KRT3: variants seen among roughly 807,000 people sequenced by gnomAD.
KRT3 encodes keratin 3.
A neutral mutation model predicts 45.8 loss-of-function variants in KRT3; 34 were observed. The observed-to-expected ratio is 0.74, with a 90% CI of 0.57 to 0.99. The LOEUF (loss-of-function observed/expected upper bound fraction) is 0.99, where lower values mean the gene tolerates loss of function less well. Ranked by LOEUF, KRT3 falls within the 50% of genes least tolerant of loss-of-function variation. The pLI is 0.00. For synonymous variants in KRT3, 367 were observed against 329.0 expected (o/e 1.12, Z -1.25); for missense variants, 828 against 820.6 (o/e 1.01, Z -0.11).
In KRT3 at chr12:52,789,931, G is replaced by A; in HGVS notation, c.*111C>T. On this transcript the variant is annotated 3_prime_UTR_variant, in exon 9 of 9. Transcript: ENST00000417996. ...AGCAAGAGGCCACAAGCCTTCCAGC[G>A]CAGAGCCGCGTTCTTGGGGAGCATG... 8.7e-7 allele frequency: 1 copy of A among 1,150,946 alleles called. No individual in the cohort carries two copies. The highest frequency in any genetic ancestry group is 1.3e-6 in the Non-Finnish European group (1 of 797,972). The allele number at this position is 1,150,946 out of a possible 1,614,324, so 71.3% of individuals were successfully genotyped here. A position where few individuals can be genotyped will look rare whatever the true frequency, so the allele number is the denominator to read the frequency against.
chr12:52,792,430 C>T (rs747873998), intron 4 of KRT3, 27 bp from the exon 5 acceptor site: 32 of 1,611,000 alleles, frequency 2.0e-5, no homozygotes, highest in Non-Finnish European at 2.5e-5. Flanking sequence ...AGCTTGTTCA[C>T]TTTTGGGGTC....
chr12:52,792,586 C>A, intron 4 of KRT3, 125 bp downstream of exon 4: 1 of 966,598 alleles, frequency 1.0e-6, no homozygotes, highest in Non-Finnish European at 1.7e-6. Flanking sequence ...GAATCCCTTC[C>A]AAGGGTCCTC....
chr12:52,794,603 G>T (rs1327208487), intron 1 of KRT3, among the ~76,000 whole-genome samples: 1 of 152,136 alleles, frequency 6.6e-6, no homozygotes, highest in African/African-American at 2.4e-5. Context: ...GTTGTTCCTG[G>T]GAACTTCATG....
At position 52,792,224 on chromosome 12, in the gene KRT3, G is replaced by A. The variant is rs147377266; in HGVS notation, c.1188+15C>T. 8.1e-6 allele frequency: 13 copies of A among 1,612,372 alleles called. No individual in the cohort carries two copies. The African/African-American group carries it at 1.2e-4, about 15-fold the overall frequency. ...AAACCTCCAGTGGATCCCGTAAGAG[G>A]TGACTAGCACCCACCTTGGTCTGGT... is the stretch of plus-strand genomic sequence containing the variant. On this transcript the variant is annotated intron_variant, in intron 5 of 8. Coordinates refer to ENST00000417996, the MANE Select transcript of KRT3 (RefSeq NM_057088.3).
chr12:52,793,052 G>C, intron 3 of KRT3, 111 bp downstream of exon 3: 1 of 819,850 alleles, frequency 1.2e-6, no homozygotes, highest in Admixed American at 2.4e-5. Context: ...TCTGTTTATT[G>C]CTCCAAAGGC....
intron 6 of KRT3, 73 bp from the exon 7 acceptor site, chr12:52,791,499 T>G: frequency 6.6e-7 from 1 of 1,517,362 alleles, no homozygotes; most frequent in South Asian, 1.2e-5. Context: ...CAATGGATTA[T>G]CCCATCTTAA....
In KRT3 at chr12:52,795,692, A is replaced by T; in HGVS notation, c.351T>A (p.Gly117=). The T allele has an allele frequency of 6.2e-7, 1 of 1,610,530 alleles. No homozygotes were observed. Residue 117 remains glycine (G), a synonymous_variant, in exon 1 of 9, where the codon GGT becomes GGA. Transcript: ENST00000417996. ...GGFGGGRGMG[G]GFGGAGGFGG... Reference sequence around the variant, plus strand: ...CAAAGCCACCAGCTCCACCAAAGCCACCTCCCATTCCTCTGCCACCACCAA... The same window carrying T: ...CAAAGCCACCAGCTCCACCAAAGCCTCCTCCCATTCCTCTGCCACCACCAA...
chr12:52,793,599 TG>T (rs1939575358), intron 2 of KRT3, among the ~76,000 whole-genome samples: 1 of 152,116 alleles, frequency 6.6e-6, no homozygotes, highest in Admixed American at 6.5e-5. Flanking sequence ...TTTTTGTTTT[TG>T]TTTTTTTTTT....
rs757163866 is a variant in KRT3, at chr12:52,790,890, A to G, written c.1536-18T>C. 6.3e-7 allele frequency: 1 copy of G among 1,590,448 alleles called. No homozygotes were observed. Among genetic ancestry groups the G allele is most frequent in the Non-Finnish European group, 8.6e-7 (1 of 1,168,340 alleles). ...CAGACATCCTGTTTGAGAAAGCAAG[A>G]GAAAGTGGGCCCCGTCACAAAGCAC... On this transcript the variant is annotated intron_variant, in intron 7 of 8. Transcript: ENST00000417996.
At chr12:52,792,112 G>T in intron 5 of KRT3, 127 bp downstream of exon 5, 2 of 816,162 alleles carry the variant, frequency 2.5e-6, no homozygotes, top group East Asian at 2.7e-5. Context: ...TTAGAAGGAT[G>T]ACTTCAGAGG....
Position 52,794,115 on chromosome 12 carries a change from T to C in KRT3, c.862A>G (p.Lys288Glu). 1 of 1,613,346 alleles carries C rather than the reference T, an allele frequency of 6.2e-7. No individual in the cohort carries two copies. Among genetic ancestry groups the C allele is most frequent in the Non-Finnish European group, 8.5e-7 (1 of 1,179,266 alleles). ...NMEDLVEDFK[K>E]KYEDEINKRT... ...CACTCCTGCCCTGTCACTCACTTCT[T>C]CTTGAAGTCTTCCACCAGGTCCTCC... The change falls in exon 2 of 9, where the codon AAG becomes GAG. Residue 288 changes from lysine (K) to glutamate (E), a missense_variant. Physicochemically the swap from Lys to Glu is moderately conservative, Grantham distance 56 (BLOSUM62 1). Coordinates refer to ENST00000417996, the MANE Select transcript of KRT3 (RefSeq NM_057088.3).
intron 5 of KRT3, 49 bp downstream of exon 5, chr12:52,792,190 G>T (rs763305535): frequency 6.5e-7 from 1 of 1,539,556 alleles, no homozygotes; most frequent in East Asian, 2.3e-5. Flanking sequence ...ATAGGCCATG[G>T]CCTCTCTGAA....
chr12:52,791,473 G>C lies in KRT3; in HGVS notation c.1315-47C>G, dbSNP rs753215747. The C allele has an allele frequency of 1.9e-6, 3 of 1,584,028 alleles. No homozygotes were observed. The East Asian group carries it at 6.7e-5, about 35-fold the overall frequency. On this transcript the variant is annotated intron_variant, in intron 6 of 8. Coordinates refer to ENST00000417996, the MANE Select transcript of KRT3 (RefSeq NM_057088.3). Reference sequence around the variant, plus strand: ...GAATGAGCTCAGTAAGAGGGCCCCAGGCCCTTCCTGACATGCAATGGATTA... The same window carrying C: ...GAATGAGCTCAGTAAGAGGGCCCCACGCCCTTCCTGACATGCAATGGATTA...
At position 52,792,824 on chromosome 12, in the gene KRT3, TA is replaced by T; in HGVS notation, c.928-19del. 1.3e-6 allele frequency: 2 copies of T among 1,526,968 alleles called. No individual in the cohort carries two copies. Among genetic ancestry groups the T allele is most frequent in the Non-Finnish European group, 1.8e-6 (2 of 1,102,162 alleles). The allele number at this position is 1,526,968 out of a possible 1,614,324, so 94.6% of individuals were successfully genotyped here. ...TCCACATCCTGAGAAAAGAGGAAGATAAAGGCCTTATTCTCCCAATGAACAA... is the reference window on the plus strand; with the variant it reads ...TCCACATCCTGAGAAAAGAGGAAGATAAGGCCTTATTCTCCCAATGAACAA... On this transcript the variant is annotated intron_variant, in intron 3 of 8. Coordinates refer to ENST00000417996, the MANE Select transcript of KRT3 (RefSeq NM_057088.3).
In KRT3 at chr12:52,795,858, C is replaced by A; in HGVS notation, c.185G>T (p.Gly62Val). ...FGSRSLYNLG[G>V]NKSISISVAA... Reference sequence around the variant, plus strand: ...CACGCTGATGGAGATGCTCTTGTTGCCGCCCAGGTTGTAGAGGCTGCGACT... The same window carrying A: ...CACGCTGATGGAGATGCTCTTGTTGACGCCCAGGTTGTAGAGGCTGCGACT... The change falls in exon 1 of 9, where the codon GGC (glycine) becomes GTC (valine). Residue 62 changes from glycine to valine, a missense_variant. Transcript: ENST00000417996. The A allele has an allele frequency of 6.2e-7, 1 of 1,614,188 alleles. No homozygotes were observed. Among genetic ancestry groups the A allele is most frequent in the Non-Finnish European group, 8.5e-7 (1 of 1,180,020 alleles).
chr12:52,790,178 C>CTGAAACCGCTGCTGCCACCGG lies in KRT3; in HGVS notation c.1750_1751insCCGGTGGCAGCAGCGGTTTCA (p.Phe583_Ser584insThrGlyGlySerSerGlyPhe), dbSNP rs1398589283. 6.5e-7 allele frequency: 1 copy of CTGAAACCGCTGCTGCCACCGG among 1,548,752 alleles called. No homozygotes were observed. The highest frequency in any genetic ancestry group is 1.4e-5 in the African/African-American group (1 of 73,128). On this transcript the variant is annotated inframe_insertion, in exon 9 of 9. Transcript: ENST00000417996. ...GATGGAGCCAAAGCCGCTGCCACCG[C>CTGAAACCGCTGCTGCCACCGG]TGAAACCGCTGCTGCCGCCGCCAAA...
Position 52,795,624 on chromosome 12 carries a change from G to A in KRT3, c.419C>T (p.Pro140Leu), listed in dbSNP as rs1324627150. 6.3e-7 allele frequency: 1 copy of A among 1,588,114 alleles called. No individual in the cohort carries two copies. Among genetic ancestry groups the A allele is most frequent in the Non-Finnish European group, 8.6e-7 (1 of 1,168,264 alleles). The change falls in exon 1 of 9, where the codon CCT becomes CTT. Residue 140 changes from proline to leucine, a missense_variant. Pro to Leu is a moderately conservative substitution (Grantham distance 98). Transcript: ENST00000417996. ...GCCACCAGACCCACCAAAGCCACCA[G>A]GACCACCAAAGCCACCAGCCCCTCC... ...GFGGAGGFGG[P>L]GGFGGSGGFG... is the part of the protein sequence containing the mutation.
rs746898698 is a variant in KRT3 at position 52,796,033 on chromosome 12, G to C, written c.10C>G (p.Gln4Glu). The C allele has an allele frequency of 6.2e-7, 1 of 1,613,222 alleles. No individual in the cohort carries two copies. Among genetic ancestry groups the C allele is most frequent in the Non-Finnish European group, 8.5e-7 (1 of 1,179,878 alleles). Reference sequence around the variant, plus strand: ...CCGCCACCAGATGTCTTGCTGGCTTGTCTGCTCATGGTAAGGAGCTTGGCG... The same window carrying C: ...CCGCCACCAGATGTCTTGCTGGCTTCTCTGCTCATGGTAAGGAGCTTGGCG... MSR[Q>E]ASKTSGGGSQ... Residue 4 changes from glutamine to glutamate, a missense_variant, in exon 1 of 9, where the codon CAA becomes GAA. Physicochemically the swap from Gln to Glu is conservative, Grantham distance 29. Transcript: ENST00000417996.
intron 1 of KRT3, among the ~76,000 whole-genome samples, chr12:52,795,064 C>T (rs528710376): frequency 1.3e-5 from 2 of 152,292 alleles, no homozygotes; most frequent in South Asian, 4.1e-4. Context: ...TTGGTGGACC[C>T]TTCGCTGATG....
Sources: gnomAD v4.1 joint callset for allele counts (sites outside exome capture counted in the v4.1 genomes callset) on GRCh38, gnomAD v4.1.1 for gene constraint, MANE v1.5 for transcripts, NCBI Gene and HGNC (gene_info 2026-07-23, HGNC 2026-07-21) for gene names.